The following UBA6 variants were observed in gnomAD, a reference collection of about 807,000 sequenced individuals.
UBA6 encodes ubiquitin-like modifier-activating enzyme 6.
A neutral mutation model predicts 148.3 loss-of-function variants in UBA6; 87 were observed. The observed-to-expected ratio is 0.59, with a 90% confidence interval of 0.49 to 0.70. UBA6 has a LOEUF of 0.70. Among genes scored for constraint, UBA6 ranks in the 30% least tolerant of loss-of-function variants. UBA6 has a pLI of 0.00. For synonymous variants in UBA6, 376 were observed against 401.0 expected (o/e 0.94, Z 0.75); for missense variants, 1,186 against 1,241.2 (o/e 0.96, Z 0.67).
At chr4:67,641,071 A>G (rs539369318) in intron 18 of UBA6, 80 bp downstream of exon 18, 2 of 837,448 alleles carry the variant, frequency 2.4e-6, no homozygotes, top group East Asian at 5.5e-5. Flanking sequence ...CGATTGTTCA[A>G]TCACTATTTT....
At chr4:67,679,137 G>A (rs377475101) in intron 4 of UBA6, among the ~76,000 whole-genome samples, 6 of 152,056 alleles carry the variant, frequency 3.9e-5, no homozygotes, top group African/African-American at 1.2e-4. Context: ...GCTATAAAGA[G>A]ATAGCAAGGT....
intron 9 of UBA6, 61 bp downstream of exon 9, chr4:67,668,490 G>C: frequency 6.7e-7 from 1 of 1,486,106 alleles, no homozygotes; most frequent in Non-Finnish European, 9.3e-7. Context: ...CCAACACTTA[G>C]TGTCTGAACT....
intron 25 of UBA6, 50 bp downstream of exon 25, chr4:67,631,658 G>T: frequency 7.2e-7 from 1 of 1,379,732 alleles, no homozygotes; most frequent in Non-Finnish European, 1.0e-6. Context: ...GGAATTTACA[G>T]TAAAGAAATA....
intron 2 of UBA6, among the ~76,000 whole-genome samples, chr4:67,690,806 T>C (rs1239479439): frequency 6.6e-6 from 1 of 151,444 alleles, no homozygotes; most frequent in Non-Finnish European, 1.5e-5. Flanking sequence ...ATAACAAGTA[T>C]TGGCAACAAT....
chr4:67,696,859 G>GAAATTTAAAAAAATA, intron 1 of UBA6, 152 bp from the exon 2 acceptor site: 1 of 601,010 alleles, frequency 1.7e-6, no homozygotes, highest in South Asian at 2.4e-5. Flanking sequence ...TAAATGGCCT[G>GAAATTTAAAAAAATA]AAATTAAATT....
At position 67,645,938 on chromosome 4, in the gene UBA6, TAAG is replaced by T. The variant is rs1261745114; in HGVS notation, c.1392_1394del (p.Phe464del). ...TATTCCCATGATTATTGATACTTAC[TAAG>T]AAGATGTTTAAATTTTGCAGTTTCT... On this transcript the variant is annotated inframe_deletion and splice_region_variant, in exon 16 of 33. Coordinates refer to ENST00000322244, the MANE Select transcript of UBA6 (RefSeq NM_018227.6). The T allele has an allele frequency of 6.3e-7, 1 of 1,575,464 alleles. No homozygotes were observed. Among genetic ancestry groups the T allele is most frequent in the Non-Finnish European group, 8.7e-7 (1 of 1,151,784 alleles).
chr4:67,630,544 A>AT lies in UBA6; in HGVS notation c.2259-10dup. On this transcript the variant is annotated splice_polypyrimidine_tract_variant and intron_variant, in intron 25 of 32. Coordinates refer to ENST00000322244, the MANE Select transcript of UBA6 (RefSeq NM_018227.6). ...GAAGGAAACTGAGGTGCCTTTTGAA[A>AT]TTAAAAAATAAAGCAAAATTTGAAT... The AT allele has an allele frequency of 6.4e-7, 1 of 1,559,240 alleles. No homozygotes were observed. Among genetic ancestry groups the AT allele is most frequent in the Non-Finnish European group, 8.7e-7 (1 of 1,152,200 alleles).
intron 23 of UBA6, among the ~76,000 whole-genome samples, chr4:67,632,231 G>T (rs546534561): frequency 1.3e-5 from 2 of 152,164 alleles, no homozygotes; most frequent in Admixed American, 6.5e-5. Flanking sequence ...ATGTCATTCT[G>T]TTCTTTTTAA....
intron 13 of UBA6, among the ~76,000 whole-genome samples, chr4:67,657,506 A>G (rs978393285): frequency 6.6e-6 from 1 of 152,170 alleles, no homozygotes; most frequent in Non-Finnish European, 1.5e-5. Flanking sequence ...CCTTCCTTAC[A>G]CCTTATAGAA....
At chr4:67,621,023 T>C (rs1728737741) in intron 32 of UBA6, among the ~76,000 whole-genome samples, 1 of 152,230 alleles carries the variant, frequency 6.6e-6, no homozygotes, top group Non-Finnish European at 1.5e-5. Flanking sequence ...AATATTATCA[T>C]GCTGGAGGTT....
intron 17 of UBA6, among the ~76,000 whole-genome samples, chr4:67,641,526 A>G (rs1577802371): frequency 6.6e-6 from 1 of 152,312 alleles, no homozygotes; most frequent in South Asian, 2.1e-4. Context: ...TAGAACTATG[A>G]AATGGATTAC....
At chr4:67,683,654 A>G (rs894215529) in intron 2 of UBA6, among the ~76,000 whole-genome samples, 2 of 151,818 alleles carry the variant, frequency 1.3e-5, no homozygotes, top group Admixed American at 1.3e-4. Context: ...TCTTCTTCCA[A>G]TGTGGCCCAG....
intron 32 of UBA6, among the ~76,000 whole-genome samples, chr4:67,620,749 A>T (rs3860688): frequency 6.6e-6 from 1 of 152,016 alleles, no homozygotes; most frequent in Admixed American, 6.6e-5. Context: ...CTTACATGCC[A>T]TTACACTATT....
At chr4:67,660,305 G>C (rs1729816766) in intron 13 of UBA6, among the ~76,000 whole-genome samples, 1 of 152,188 alleles carries the variant, frequency 6.6e-6, no homozygotes, top group African/African-American at 2.4e-5. Context: ...AATGTCAGAG[G>C]TCTTCAAGGA....
chr4:67,624,413 C>T (rs528833050), intron 29 of UBA6, among the ~76,000 whole-genome samples, 160 bp from the exon 30 acceptor site: 1 of 152,056 alleles, frequency 6.6e-6, no homozygotes, highest in Non-Finnish European at 1.5e-5. Context: ...GGTCTGTATA[C>T]TTTTAGTATA....
intron 6 of UBA6, 55 bp from the exon 7 acceptor site, chr4:67,673,832 T>A: frequency 7.9e-7 from 1 of 1,259,728 alleles, no homozygotes; most frequent in South Asian, 1.3e-5. Context: ...TTTTTTGTAG[T>A]ATACAATAAT....
intron 5 of UBA6, among the ~76,000 whole-genome samples, chr4:67,677,936 C>A (rs998472190): frequency 1.3e-5 from 2 of 151,578 alleles, no homozygotes; most frequent in African/African-American, 2.4e-5. Flanking sequence ...ATAAACCACA[C>A]AATCTCAAAG....
intron 30 of UBA6, among the ~76,000 whole-genome samples, chr4:67,623,454 T>C (rs577640557): frequency 3.3e-5 from 5 of 152,302 alleles, no homozygotes; most frequent in Admixed American, 3.3e-4. Flanking sequence ...TTCCAGTGTA[T>C]TATAAATCAG....
intron 2 of UBA6, among the ~76,000 whole-genome samples, chr4:67,695,126 A>C (rs1730801949): frequency 6.6e-6 from 1 of 152,240 alleles, no homozygotes; most frequent in African/African-American, 2.4e-5. Context: ...AAACTAAAAA[A>C]TGAATAAAAT....
Sources: gnomAD v4.1 joint callset for allele counts (sites outside exome capture counted in the v4.1 genomes callset) on GRCh38, gnomAD v4.1.1 for gene constraint, MANE v1.5 for transcripts, NCBI Gene and HGNC (gene_info 2026-07-23, HGNC 2026-07-21) for gene names.